Variants in LAMA3 observed in about 807,000 individuals in gnomAD.
LAMA3 encodes laminin subunit alpha 3.
In LAMA3, 281 loss-of-function variants were observed where a neutral mutation model predicts 402.0. The observed-to-expected ratio is 0.70, with a 90% CI of 0.63 to 0.77. LAMA3 has a LOEUF of 0.77. LAMA3 is among the 30% of genes least tolerant of loss of function. LAMA3 has a pLI of 0.00. For synonymous variants in LAMA3, 1,431 were observed against 1,558.4 expected, an observed-to-expected ratio of 0.92 and a Z score of 1.93; for missense variants, 3,840 against 4,215.5, an observed-to-expected ratio of 0.91 and a Z score of 2.47.
rs1711453 is a variant in LAMA3, at chr18:23,693,553, C to G, written c.294+3576C>G. Among the ~76,000 whole-genome samples the G allele has an allele frequency of 3.3e-5, 5 of 150,462 alleles. No individual in the cohort carries two copies. In the South Asian group the frequency reaches 1.1e-3, roughly 32 times the overall value. On this transcript the variant is annotated intron_variant, in intron 1 of 74. Transcript: ENST00000313654. ...ATCAAAAAAAAAAAAAAAAGAGAAA[C>G]GTACAGTGCATTATATACTGAACAC...
intron 54 of LAMA3, 99 bp downstream of exon 54, chr18:23,908,034 A>T: frequency 8.4e-7 from 1 of 1,189,282 alleles, no homozygotes; most frequent in Admixed American, 1.7e-5. Flanking sequence ...TGATCTCAGA[A>T]ACTAAAACAT....
At chr18:23,702,816 T>C (rs2060815109) in intron 1 of LAMA3, among the ~76,000 whole-genome samples, 1 of 152,206 alleles carries the variant, frequency 6.6e-6, no homozygotes, top group Admixed American at 6.5e-5. Context: ...TCTTCCCTTC[T>C]CCAGCATCCC....
chr18:23,949,488 C>T (rs773338904), intron 70 of LAMA3, among the ~76,000 whole-genome samples: 1 of 152,108 alleles, frequency 6.6e-6, no homozygotes, highest in South Asian at 2.1e-4. Context: ...TGCACTAGCC[C>T]GCCCTCCTGC....
At chr18:23,784,191 A>G (rs1265598686) in intron 12 of LAMA3, 34 bp downstream of exon 12, 4 of 1,612,756 alleles carry the variant, frequency 2.5e-6, no homozygotes, top group Admixed American at 1.7e-5. Context: ...TTCATAATCA[A>G]TCCCTCAAGA....
intron 18 of LAMA3, among the ~76,000 whole-genome samples, chr18:23,817,451 A>T (rs181425986): frequency 2.1e-4 from 32 of 152,296 alleles, no homozygotes; most frequent in African/African-American, 7.7e-4. Context: ...GAATTCTAAA[A>T]GTCAGAGCAG....
At position 23,905,616 on chromosome 18, in the gene LAMA3, T is replaced by C. The variant is rs773753442; in HGVS notation, c.6710T>C (p.Leu2237Pro). ...GAAGCCAAGATGACACAAAAGAAGC[T>C]AAAGCAAGGTATTAGGGGGAGTGGG... ...LNEAKMTQKK[L>P]KQEVSPALNN... Residue 2237 changes from leucine (L) to proline (P), a missense_variant, in exon 52 of 75, where the codon CTA becomes CCA. Leu to Pro is a moderately conservative substitution (Grantham distance 98, BLOSUM62 -3). Coordinates refer to ENST00000313654, the MANE Select transcript of LAMA3 (RefSeq NM_198129.4). 2.5e-6 allele frequency: 4 copies of C among 1,594,040 alleles called. No individual in the cohort carries two copies. In the African/African-American group the frequency reaches 5.4e-5, roughly 21 times the overall value.
In LAMA3 at chr18:23,815,499, T is replaced by G. The variant is rs200427986; in HGVS notation, c.1973T>G (p.Val658Gly). 8.3e-5 allele frequency: 134 copies of G among 1,614,184 alleles called. No individual in the cohort carries two copies. In the African/African-American group the frequency reaches 1.2e-3, roughly 15 times the overall value. Reference sequence around the variant, plus strand: ...GGTGACTGTCACTGCAAGTCCCATGTGGGTGGCGATTCCTGCGACACCTGT... The same window carrying G: ...GGTGACTGTCACTGCAAGTCCCATGGGGGTGGCGATTCCTGCGACACCTGT... Reference protein sequence around the residue: ...GDGDCHCKSHVGGDSCDTCED... With the variant: ...GDGDCHCKSHGGGDSCDTCED... The change falls in exon 17 of 75, where the codon GTG becomes GGG. Residue 658 changes from valine to glycine, a missense_variant. Physicochemically the swap from Val to Gly is moderately radical, Grantham distance 109. Coordinates refer to ENST00000313654, the MANE Select transcript of LAMA3 (RefSeq NM_198129.4).
chr18:23,951,571 T>C, intron 72 of LAMA3, 113 bp from the exon 73 acceptor site: 1 of 760,950 alleles, frequency 1.3e-6, no homozygotes, highest in Non-Finnish European at 2.3e-6. Context: ...AGGGCCAATA[T>C]CTAATGTGCC....
In LAMA3 at chr18:23,912,733, A is replaced by G. The variant is rs201944973; in HGVS notation, c.7181A>G (p.Asn2394Ser). The change falls in exon 56 of 75, where the codon AAT becomes AGT. Residue 2394 changes from asparagine to serine, a missense_variant. Around this residue, in one of 3 missense-constraint regions of LAMA3, gnomAD observed 891 missense variants for 857.5 expected, o/e 1.04. Coordinates refer to ENST00000313654, the MANE Select transcript of LAMA3 (RefSeq NM_198129.4). Reference protein sequence around the residue: ...ASKVAVPMRFNGKSGVEVRLP... With the variant: ...ASKVAVPMRFSGKSGVEVRLP... The stretch of plus-strand genomic sequence containing the variant: ...CAGGTTGCTGTCCCCATGAGGTTCA[A>G]TGGTAAATCTGGAGTCGAAGTCCGA... 5.6e-5 allele frequency: 90 copies of G among 1,614,038 alleles called. No individual in the cohort carries two copies. The highest frequency in any genetic ancestry group is 7.1e-5 in the Non-Finnish European group (84 of 1,179,992).
chr18:23,796,095 G>A (rs566467902), intron 12 of LAMA3: 10 of 441,254 alleles, frequency 2.3e-5, no homozygotes, highest in South Asian at 1.6e-4. Context: ...GCCAGCACCT[G>A]GATCTTGGAC....
rs111270319 is a variant in LAMA3, at chr18:23,929,003, G to A, written c.8436+238G>A. 1.9e-3 allele frequency among the ~76,000 whole-genome samples: 287 copies of A among 152,204 alleles called. 1 individual carries two copies. The highest frequency in any genetic ancestry group is 4.4e-3 in the African/African-American group (184 of 41,540). On this transcript the variant is annotated intron_variant, in intron 64 of 74. Coordinates refer to ENST00000313654, the MANE Select transcript of LAMA3 (RefSeq NM_198129.4). ...CAGAGTTGCATTTGTGTGTACTCGCGGACTCATTTTTATTCTTTTCAGGTA... is the reference window on the plus strand; with the variant it reads ...CAGAGTTGCATTTGTGTGTACTCGCAGACTCATTTTTATTCTTTTCAGGTA...
intron 42 of LAMA3, among the ~76,000 whole-genome samples, chr18:23,891,439 G>C (rs2080660498): frequency 6.6e-6 from 1 of 152,198 alleles, no homozygotes; most frequent in South Asian, 2.1e-4. Flanking sequence ...GGGTATCAGA[G>C]TAAAGTTTTT....
At chr18:23,844,246 G>T (rs779125572) in intron 29 of LAMA3, among the ~76,000 whole-genome samples, 13 of 152,216 alleles carry the variant, frequency 8.5e-5, no homozygotes, top group Non-Finnish European at 1.9e-4. Flanking sequence ...TTTGCTATAG[G>T]CATATTCTGA....
At position 23,846,332 on chromosome 18, in the gene LAMA3, C is replaced by T. The variant is rs2063814259; in HGVS notation, c.3755C>T (p.Ala1252Val). Residue 1252 changes from alanine (A) to valine (V), a missense_variant, in exon 31 of 75, where the codon GCC (alanine) becomes GTC (valine). By Grantham distance (64) the Ala-to-Val change is moderately conservative. Coordinates refer to ENST00000313654, the MANE Select transcript of LAMA3 (RefSeq NM_198129.4). ...QTASRFCKNS[A>V]RSLVAFYHKG... ...GCCTCCAGATTCTGTAAGAATTCCG[C>T]CAGGTCCCTGGTGGCCTTTTACCAC... The T allele has an allele frequency of 6.2e-7, 1 of 1,614,130 alleles. No homozygotes were observed. Among genetic ancestry groups the T allele is most frequent in the Non-Finnish European group, 8.5e-7 (1 of 1,180,050 alleles).
chr18:23,952,370 A>C (rs1373910835), intron 73 of LAMA3, among the ~76,000 whole-genome samples: 1 of 152,230 alleles, frequency 6.6e-6, no homozygotes, highest in Non-Finnish European at 1.5e-5. Flanking sequence ...CTAACTATTT[A>C]GACAACCCGA....
chr18:23,839,882 T>A lies in LAMA3; in HGVS notation c.3289T>A (p.Ser1097Thr). Residue 1097 changes from serine to threonine, a missense_variant, in exon 27 of 75, where the codon TCA (serine) becomes ACA (threonine). Around this residue, in one of 3 missense-constraint regions of LAMA3, gnomAD observed 2,109 missense variants for 2,376.0 expected, o/e 0.89. Transcript: ENST00000313654. This position sits in a 1 kb window ranked among gnomAD's most constrained non-coding sequence, Gnocchi z 4.5. The stretch of plus-strand genomic sequence containing the variant: ...TTTCCCTCACCTGCCCCAGCAGTCG[T>A]CACCTTCTGTTGATGTTCTTCCTGG... ...RPFPHLPQQS[S>T]PSVDVLPGVT... The A allele has an allele frequency of 6.2e-7, 1 of 1,614,224 alleles. No homozygotes were observed. Among genetic ancestry groups the A allele is most frequent in the Non-Finnish European group, 8.5e-7 (1 of 1,180,024 alleles).
At chr18:23,820,764 A>G (rs564599107) in intron 19 of LAMA3, among the ~76,000 whole-genome samples, 6 of 152,316 alleles carry the variant, frequency 3.9e-5, no homozygotes, top group Non-Finnish European at 7.4e-5. Context: ...ATTAACGATC[A>G]TGGTAACACA....
intron 21 of LAMA3, 37 bp from the exon 22 acceptor site, chr18:23,826,665 A>G: frequency 1.4e-6 from 2 of 1,415,006 alleles, no homozygotes; most frequent in Non-Finnish European, 2.0e-6. Flanking sequence ...GGCTACCATC[A>G]AAATGAATGA....
At chr18:23,809,480 AAGTC>A (rs898078045) in intron 12 of LAMA3, among the ~76,000 whole-genome samples, 1 of 152,164 alleles carries the variant, frequency 6.6e-6, no homozygotes, top group Non-Finnish European at 1.5e-5. Flanking sequence ...TCAGCCGGAG[AAGTC>A]AGTCAGGTCA....
Sources: gnomAD v4.1 joint callset for allele counts (sites outside exome capture counted in the v4.1 genomes callset) on GRCh38, gnomAD v4.1.1 for gene constraint, gnomAD v4.1.1 regional missense constraint, Gnocchi (gnomAD v3.1) non-coding constraint, MANE v1.5 for transcripts, NCBI Gene and HGNC (gene_info 2026-07-23, HGNC 2026-07-21) for gene names.